Variants in ATXN1L observed in about 807,000 individuals in gnomAD.
ATXN1L encodes ataxin 1 like, also known as ataxin-1-like.
Under a neutral mutation model 43.4 loss-of-function variants are expected in ATXN1L, and 8 were observed. The observed-to-expected ratio is 0.18, with a 90% confidence interval of 0.11 to 0.33. ATXN1L has a LOEUF of 0.33. ATXN1L is among the 10% of genes least tolerant of loss of function. The probability of loss-of-function intolerance (pLI) is 1.00; values close to 1 mark genes in which losing one functional copy is unlikely to be tolerated. For synonymous variants in ATXN1L, 379 were observed against 360.6 expected, an observed-to-expected ratio of 1.05 and a Z score of -0.58; for missense variants, 856 against 885.4, an observed-to-expected ratio of 0.97 and a Z score of 0.42.
In ATXN1L at chr16:71,851,638, G is replaced by C. The variant is rs768701784; in HGVS notation, c.1898G>C (p.Arg633Pro). 3.1e-5 allele frequency: 47 copies of C among 1,531,902 alleles called. No homozygotes were observed. The highest frequency in any genetic ancestry group is 4.0e-5 in the Non-Finnish European group (45 of 1,133,806). 94.9% of individuals were successfully genotyped at this position (1,531,902 alleles called of 1,614,324 possible). ...GKSQPAGEGSRVVEPSQPESG... is the reference protein window; with the variant it reads ...GKSQPAGEGSPVVEPSQPESG... ...AGCCAGCCGGCAGGAGAGGGCTCCC[G>C]TGTGGTAGAGCCTTCCCAGCCTGAG... Residue 633 changes from arginine (R) to proline (P), a missense_variant, in exon 3 of 3, where the codon CGT becomes CCT. Coordinates refer to ENST00000427980, the MANE Select transcript of ATXN1L (RefSeq NM_001137675.4). This position sits in a 1 kb window ranked among gnomAD's most constrained non-coding sequence, Gnocchi z 4.9.
chr16:71,848,227 T>C, intron 2 of ATXN1L, 156 bp downstream of exon 2: 1 of 326,626 alleles, frequency 3.1e-6, no homozygotes, highest in South Asian at 2.3e-5. Flanking sequence ...TGCACTGAAG[T>C]GTTCAGACCA....
Position 71,850,319 on chromosome 16 carries a change from C to A in ATXN1L, c.579C>A (p.Ser193=), listed in dbSNP as rs1288000397. Residue 193 remains serine, a synonymous_variant, in exon 3 of 3, where the codon TCC becomes TCA. Coordinates refer to ENST00000427980, the MANE Select transcript of ATXN1L (RefSeq NM_001137675.4). ...EGATPPPQAP[S]PAHSFNKAPS... is the part of the protein sequence containing the mutation. ...CCACTCCTCCCCCACAGGCTCCCTC[C>A]CCGGCCCACTCATTTAACAAAGCTC... 2.6e-6 allele frequency: 4 copies of A among 1,551,622 alleles called. No homozygotes were observed. The highest frequency in any genetic ancestry group is 2.6e-6 in the Non-Finnish European group (3 of 1,146,994).
In ATXN1L at chr16:71,851,606, G is replaced by A. The variant is rs1361245359; in HGVS notation, c.1866G>A (p.Glu622=). ...VLGSRELCDS[E]GKSQPAGEGS... is the part of the protein sequence containing the mutation. Reference sequence around the variant, plus strand: ...GATCCAGAGAGCTATGTGACAGTGAGGGGAAGAGCCAGCCGGCAGGAGAGG... The same window carrying A: ...GATCCAGAGAGCTATGTGACAGTGAAGGGAAGAGCCAGCCGGCAGGAGAGG... Residue 622 remains glutamate, a synonymous_variant, in exon 3 of 3, where the codon GAG becomes GAA. Coordinates refer to ENST00000427980, the MANE Select transcript of ATXN1L (RefSeq NM_001137675.4). This position sits in a 1 kb window ranked among gnomAD's most constrained non-coding sequence, Gnocchi z 4.9. 6.5e-7 allele frequency: 1 copy of A among 1,543,950 alleles called. No homozygotes were observed. The highest frequency in any genetic ancestry group is 1.2e-5 in the South Asian group (1 of 83,866).
chr16:71,849,470 G>A (rs2033476291), intron 2 of ATXN1L, among the ~76,000 whole-genome samples, 154 bp from the exon 3 acceptor site: 1 of 152,054 alleles, frequency 6.6e-6, no homozygotes, highest in Non-Finnish European at 1.5e-5. Flanking sequence ...GGATGAGTTG[G>A]GGGTAGCCTC....
rs1298465736 is a variant in ATXN1L, at chr16:71,848,006, C to G, written c.-179-4C>G. 6 of 455,958 alleles carry G rather than the reference C, an allele frequency of 1.3e-5. No individual in the cohort carries two copies. The highest frequency in any genetic ancestry group is 9.3e-5 in the South Asian group (6 of 64,542). The allele number at this position is 455,958 out of a possible 1,614,324, so 28.2% of individuals were successfully genotyped here. A position where few individuals can be genotyped will look rare whatever the true frequency, so the allele number is the denominator to read the frequency against. On this transcript the variant is annotated splice_region_variant and splice_polypyrimidine_tract_variant and intron_variant, in intron 1 of 2. Transcript: ENST00000427980. ...CTTACTCCATTCCTGTTTCTATCTT[C>G]TAGGCTCCCGAGCCAGCCGGGAGGA...
Position 71,850,846 on chromosome 16 carries a change from C to T in ATXN1L, c.1106C>T (p.Thr369Ile), listed in dbSNP as rs989239184. The part of the protein sequence containing the change: ...EPSPLNLSHH[T>I]PDHQGEGRGS... ...AGCCCCCTCAACCTATCCCATCATACCCCCGACCATCAGGGTGAGGGGCGA... is the reference window on the plus strand; with the variant it reads ...AGCCCCCTCAACCTATCCCATCATATCCCCGACCATCAGGGTGAGGGGCGA... Residue 369 changes from threonine (T) to isoleucine (I), a missense_variant, in exon 3 of 3, where the codon ACC (threonine) becomes ATC (isoleucine). Thr to Ile is a moderately conservative substitution (Grantham distance 89). Around this residue, in one of 7 missense-constraint regions of ATXN1L, gnomAD observed 490 missense variants for 449.4 expected, o/e 1.09. Coordinates refer to ENST00000427980, the MANE Select transcript of ATXN1L (RefSeq NM_001137675.4). The T allele has an allele frequency of 3.9e-5, 61 of 1,551,580 alleles. No homozygotes were observed. The highest frequency in any genetic ancestry group is 5.5e-5 in the African/African-American group (4 of 73,018).
At position 71,850,541 on chromosome 16, in the gene ATXN1L, T is replaced by C; in HGVS notation, c.801T>C (p.Ala267=). ...QESQSALEAA[A]ANGGQRPRER... ...GCCAGTCTGCTCTGGAAGCAGCTGC[T>C]GCAAATGGAGGACAGAGACCACGAG... Residue 267 remains alanine (A), a synonymous_variant, in exon 3 of 3, where the codon GCT becomes GCC. Transcript: ENST00000427980. 6.4e-7 allele frequency: 1 copy of C among 1,551,728 alleles called. No individual in the cohort carries two copies. Among genetic ancestry groups the C allele is most frequent in the Non-Finnish European group, 8.7e-7 (1 of 1,146,996 alleles).
intron 1 of ATXN1L, among the ~76,000 whole-genome samples, chr16:71,846,724 C>G (rs1051476979): frequency 6.6e-6 from 1 of 152,128 alleles, no homozygotes; most frequent in Non-Finnish European, 1.5e-5. Flanking sequence ...GTGAGGTTCT[C>G]GAGAGGCGGA....
rs1020331203 is a variant in ATXN1L at position 71,851,176 on chromosome 16, C to T, written c.1436C>T (p.Thr479Met). 7 of 1,551,466 alleles carry T rather than the reference C, an allele frequency of 4.5e-6. No individual in the cohort carries two copies. Among genetic ancestry groups the T allele is most frequent in the Admixed American group, 2.0e-5 (1 of 50,980 alleles). The change falls in exon 3 of 3, where the codon ACG (threonine) becomes ATG (methionine). Residue 479 changes from threonine (T) to methionine (M), a missense_variant. Around this residue, in one of 7 missense-constraint regions of ATXN1L, gnomAD observed 22 missense variants for 49.3 expected, o/e 0.45. Coordinates refer to ENST00000427980, the MANE Select transcript of ATXN1L (RefSeq NM_001137675.4). This position sits in a 1 kb window ranked among gnomAD's most constrained non-coding sequence, Gnocchi z 4.9. Reference protein sequence around the residue: ...FMKGAIIQLATGELKRVEDLQ... With the variant: ...FMKGAIIQLAMGELKRVEDLQ... ...AAAGGCGCCATCATCCAGCTGGCTA[C>T]GGGAGAGCTGAAGCGGGTGGAGGAC... is the stretch of plus-strand genomic sequence containing the variant.
In ATXN1L at chr16:71,850,765, G is replaced by C; in HGVS notation, c.1025G>C (p.Gly342Ala). Residue 342 changes from glycine (G) to alanine (A), a missense_variant, in exon 3 of 3, where the codon GGC becomes GCC. This residue lies in a region of ATXN1L where 490 missense variants were observed against 449.4 expected (regional missense o/e 1.09). Coordinates refer to ENST00000427980, the MANE Select transcript of ATXN1L (RefSeq NM_001137675.4). ...DTDLEVQRVV[G>A]ALASQDYRVV... Reference sequence around the variant, plus strand: ...GACCTTGAGGTCCAGCGGGTGGTTGGCGCTTTAGCTTCTCAGGACTATCGT... The same window carrying C: ...GACCTTGAGGTCCAGCGGGTGGTTGCCGCTTTAGCTTCTCAGGACTATCGT... The C allele has an allele frequency of 1.3e-6, 2 of 1,551,678 alleles. No homozygotes were observed. Among genetic ancestry groups the C allele is most frequent in the Non-Finnish European group, 1.7e-6 (2 of 1,146,992 alleles).
In ATXN1L at chr16:71,855,005, C is replaced by T. The variant is rs2033538556; in HGVS notation, c.*3195C>T. 1 of 167,118 alleles carries T rather than the reference C, an allele frequency of 6.0e-6. No individual in the cohort carries two copies. The highest frequency in any genetic ancestry group is 1.5e-5 in the Non-Finnish European group (1 of 68,180). The allele number at this position is 167,118 out of a possible 1,614,324, so 10.4% of individuals were successfully genotyped here. A position where few individuals can be genotyped will look rare whatever the true frequency, so the allele number is the denominator to read the frequency against. On this transcript the variant is annotated 3_prime_UTR_variant, in exon 3 of 3. Transcript: ENST00000427980. Reference sequence around the variant, plus strand: ...GGCTGGTCCTTCTATATTCTTGGTCCCAGTTGGTCATAACACCAAGGGCTT... The same window carrying T: ...GGCTGGTCCTTCTATATTCTTGGTCTCAGTTGGTCATAACACCAAGGGCTT...
rs1341372721 is a variant in ATXN1L at position 71,853,924 on chromosome 16, C to A, written c.*2114C>A. The A allele has an allele frequency of 4.2e-5, 7 of 167,290 alleles. No individual in the cohort carries two copies. Among genetic ancestry groups the A allele is most frequent in the African/African-American group, 7.2e-5 (3 of 41,468 alleles). 10.4% of individuals were successfully genotyped at this position (167,290 alleles called of 1,614,324 possible). ...CATTTGGGATCATATCTTTCCCCTTCTCTGTCCCCCATTCTCTGAATGCTG... is the reference window on the plus strand; with the variant it reads ...CATTTGGGATCATATCTTTCCCCTTATCTGTCCCCCATTCTCTGAATGCTG... On this transcript the variant is annotated 3_prime_UTR_variant, in exon 3 of 3. Transcript: ENST00000427980.
rs1247457605 is a variant in ATXN1L, at chr16:71,853,900, A to T, written c.*2090A>T. 6.0e-6 allele frequency: 1 copy of T among 167,108 alleles called. No homozygotes were observed. The highest frequency in any genetic ancestry group is 1.5e-5 in the Non-Finnish European group (1 of 68,158). 10.4% of individuals were successfully genotyped at this position (167,108 alleles called of 1,614,324 possible). A position where few individuals can be genotyped will look rare whatever the true frequency, so the allele number is the denominator to read the frequency against. ...GAACCAGACGCCAACTTTGTACTGCATTTGGGATCATATCTTTCCCCTTCT... is the reference window on the plus strand; with the variant it reads ...GAACCAGACGCCAACTTTGTACTGCTTTTGGGATCATATCTTTCCCCTTCT... On this transcript the variant is annotated 3_prime_UTR_variant, in exon 3 of 3. Coordinates refer to ENST00000427980, the MANE Select transcript of ATXN1L (RefSeq NM_001137675.4).
chr16:71,854,379 GA>G lies in ATXN1L; in HGVS notation c.*2571del, dbSNP rs1284768167. 1 of 167,058 alleles carries G rather than the reference GA, an allele frequency of 6.0e-6. No homozygotes were observed. The highest frequency in any genetic ancestry group is 6.5e-5 in the Admixed American group (1 of 15,278). 10.3% of individuals were successfully genotyped at this position (167,058 alleles called of 1,614,324 possible). A position where few individuals can be genotyped will look rare whatever the true frequency, so the allele number is the denominator to read the frequency against. ...CTTTCTGTTGCTGTCTCTTGCTGGT[GA>G]AGCAATACCAGCAGTTCCTGTAATA... On this transcript the variant is annotated 3_prime_UTR_variant, in exon 3 of 3. Coordinates refer to ENST00000427980, the MANE Select transcript of ATXN1L (RefSeq NM_001137675.4).
Position 71,846,053 on chromosome 16 carries a change from G to C in ATXN1L, c.-231G>C. ...CGGGGATGGCGGCGGCCGCGGTTGC[G>C]GCGGCTCCGGGACGAGTGAGTGGAT... is the stretch of plus-strand genomic sequence containing the variant. On this transcript the variant is annotated 5_prime_UTR_variant, in exon 1 of 3. Coordinates refer to ENST00000427980, the MANE Select transcript of ATXN1L (RefSeq NM_001137675.4). 2 of 190,102 alleles carry C rather than the reference G, an allele frequency of 1.1e-5. No homozygotes were observed. Among genetic ancestry groups the C allele is most frequent in the South Asian group, 1.4e-4 (2 of 13,814 alleles). The allele number at this position is 190,102 out of a possible 1,614,324, so 11.8% of individuals were successfully genotyped here.
Position 71,850,294 on chromosome 16 carries a change from C to T in ATXN1L, c.554C>T (p.Ala185Val). The change falls in exon 3 of 3, where the codon GCC becomes GTC. Residue 185 changes from alanine (A) to valine (V), a missense_variant. Transcript: ENST00000427980. ...TATGCCTCACTTCTGGCTGAAGGAG[C>T]CACTCCTCCCCCACAGGCTCCCTCC... ...VPYASLLAEG[A>V]TPPPQAPSPA... 1.3e-6 allele frequency: 2 copies of T among 1,551,678 alleles called. No individual in the cohort carries two copies. Among genetic ancestry groups the T allele is most frequent in the Non-Finnish European group, 1.7e-6 (2 of 1,146,980 alleles).
In ATXN1L at chr16:71,851,296, C is replaced by G. The variant is rs565389420; in HGVS notation, c.1556C>G (p.Pro519Arg). Residue 519 changes from proline (P) to arginine (R), a missense_variant, in exon 3 of 3, where the codon CCT becomes CGT. Around this residue, in one of 7 missense-constraint regions of ATXN1L, gnomAD observed 54 missense variants for 56.6 expected, o/e 0.95. Transcript: ENST00000427980. This position sits in a 1 kb window ranked among gnomAD's most constrained non-coding sequence, Gnocchi z 4.9. The stretch of plus-strand genomic sequence containing the variant: ...GTGGACATTCAGGAGAGCCAATGGC[C>G]TGGATTTGTCATGCTGCATTTTGTG... ...TVVDIQESQW[P>R]GFVMLHFVVG... 5 of 1,551,630 alleles carry G rather than the reference C, an allele frequency of 3.2e-6. No homozygotes were observed. In the African/African-American group the frequency reaches 5.5e-5, roughly 17 times the overall value.
chr16:71,847,506 C>T (rs1292816533), intron 1 of ATXN1L, among the ~76,000 whole-genome samples: 1 of 151,826 alleles, frequency 6.6e-6, no homozygotes, highest in African/African-American at 2.4e-5. Context: ...TCTTTTTCTG[C>T]CCCAGAAACA....
At position 71,850,429 on chromosome 16, in the gene ATXN1L, A is replaced by G; in HGVS notation, c.689A>G (p.Tyr230Cys). ...LDLAPGRMPI[Y>C]YQMSRLPAGY... ...CTTGCTCCAGGTCGGATGCCCATTTATTATCAGATGTCCAGGCTACCTGCT... is the reference window on the plus strand; with the variant it reads ...CTTGCTCCAGGTCGGATGCCCATTTGTTATCAGATGTCCAGGCTACCTGCT... Residue 230 changes from tyrosine (Y) to cysteine (C), a missense_variant, in exon 3 of 3, where the codon TAT becomes TGT. Tyr to Cys is a radical substitution (Grantham distance 194). Around this residue, in one of 7 missense-constraint regions of ATXN1L, gnomAD observed 490 missense variants for 449.4 expected, o/e 1.09. Coordinates refer to ENST00000427980, the MANE Select transcript of ATXN1L (RefSeq NM_001137675.4). The G allele has an allele frequency of 1.3e-6, 2 of 1,551,636 alleles. No individual in the cohort carries two copies. The highest frequency in any genetic ancestry group is 1.7e-6 in the Non-Finnish European group (2 of 1,146,980).
Sources: gnomAD v4.1 joint callset for allele counts (sites outside exome capture counted in the v4.1 genomes callset) on GRCh38, gnomAD v4.1.1 for gene constraint, gnomAD v4.1.1 regional missense constraint, Gnocchi (gnomAD v3.1) non-coding constraint, MANE v1.5 for transcripts, NCBI Gene and HGNC (gene_info 2026-07-23, HGNC 2026-07-21) for gene names.